L3MBTL4: variants seen among roughly 807,000 people sequenced by gnomAD.
L3MBTL4 encodes L3MBTL histone methyl-lysine binding protein 4, also known as lethal(3)malignant brain tumor-like protein 4.
In L3MBTL4, 70 loss-of-function variants were observed where a neutral mutation model predicts 84.5. The ratio of observed to expected loss-of-function variants is 0.83; its 90% confidence interval spans 0.68 to 1.01. L3MBTL4 has a LOEUF of 1.01. Among genes scored for constraint, L3MBTL4 ranks in the 50% least tolerant of loss-of-function variants. The pLI, the probability that L3MBTL4 is intolerant of heterozygous loss-of-function variation, is 0.00. For synonymous variants in L3MBTL4, 274 were observed against 259.8 expected (o/e 1.05, Z -0.52); for missense variants, 715 against 754.8 (o/e 0.95, Z 0.62).
intron 10 of L3MBTL4, among the ~76,000 whole-genome samples, chr18:6,221,967 T>C (rs1000352211): frequency 6.6e-6 from 1 of 152,218 alleles, no homozygotes; most frequent in African/African-American, 2.4e-5. Context: ...TCACTAATTG[T>C]CTTGTATGAA....
chr18:6,279,736 C>G (rs571284556), intron 4 of L3MBTL4, among the ~76,000 whole-genome samples: 1 of 152,316 alleles, frequency 6.6e-6, no homozygotes, highest in East Asian at 1.9e-4. Flanking sequence ...GATAATCCCT[C>G]ATGAATACCA....
At chr18:6,104,701 T>G (rs1391465491) in intron 14 of L3MBTL4, among the ~76,000 whole-genome samples, 1 of 152,202 alleles carries the variant, frequency 6.6e-6, no homozygotes, top group Admixed American at 6.5e-5. Flanking sequence ...CATTAAAATA[T>G]TGTTACGAAG....
intron 12 of L3MBTL4, among the ~76,000 whole-genome samples, chr18:6,173,018 T>C (rs576602810): frequency 6.6e-6 from 1 of 152,284 alleles, no homozygotes; most frequent in East Asian, 1.9e-4. Flanking sequence ...TAGGCACTTG[T>C]TAAAAATGCA....
At chr18:6,185,704 T>G (rs2044693535) in intron 12 of L3MBTL4, among the ~76,000 whole-genome samples, 1 of 152,172 alleles carries the variant, frequency 6.6e-6, no homozygotes, top group Admixed American at 6.5e-5. Flanking sequence ...GGAATTTTAT[T>G]TAAAAAGTGG....
chr18:6,399,346 A>C (rs2055415939), intron 1 of L3MBTL4, among the ~76,000 whole-genome samples: 1 of 152,150 alleles, frequency 6.6e-6, no homozygotes, highest in South Asian at 2.1e-4. Context: ...CTGAGGCAGG[A>C]GAATCGCCTG....
intron 10 of L3MBTL4, among the ~76,000 whole-genome samples, chr18:6,226,800 A>G (rs2046802396): frequency 6.6e-6 from 1 of 152,190 alleles, no homozygotes; most frequent in African/African-American, 2.4e-5. Context: ...ACCCAATAAA[A>G]TCTTTAAAAA....
chr18:5,968,478 G>A (rs2052460904), intron 17 of L3MBTL4, among the ~76,000 whole-genome samples: 1 of 152,116 alleles, frequency 6.6e-6, no homozygotes, highest in African/African-American at 2.4e-5. Context: ...TGGGAGAACC[G>A]CTTGAGGCCA....
chr18:5,971,580 T>C (rs1180900163), intron 16 of L3MBTL4, among the ~76,000 whole-genome samples: 1 of 152,206 alleles, frequency 6.6e-6, no homozygotes, highest in Non-Finnish European at 1.5e-5. Context: ...TGATGGTGAT[T>C]AGATTTCTGT....
rs138275271 is a variant in L3MBTL4, at chr18:5,986,373, C to T, written c.1445-16811G>A. On this transcript the variant is annotated intron_variant, in intron 16 of 18. Coordinates refer to ENST00000317931, the MANE Select transcript of L3MBTL4 (RefSeq NM_001330559.2). Reference sequence around the variant, plus strand: ...TATGAGGTGGGAATCAAACCCGGAACCTGACTTCCATTTCACTGCTCTTTC... The same window carrying T: ...TATGAGGTGGGAATCAAACCCGGAATCTGACTTCCATTTCACTGCTCTTTC... Among the ~76,000 whole-genome samples, 3 of 152,292 alleles carry T rather than the reference C, an allele frequency of 2.0e-5. No homozygotes were observed. The East Asian group carries it at 5.8e-4, about 29-fold the overall frequency.
intron 12 of L3MBTL4, among the ~76,000 whole-genome samples, chr18:6,186,233 G>C (rs2044755290): frequency 6.6e-6 from 1 of 151,436 alleles, no homozygotes; most frequent in Non-Finnish European, 1.5e-5. Context: ...GTAGAGACGA[G>C]GTTTCACCAT....
chr18:6,259,287 A>G (rs1271497822), intron 5 of L3MBTL4: 1 of 152,316 alleles, frequency 6.6e-6, no homozygotes, highest in East Asian at 1.9e-4. Flanking sequence ...ATGGGCACCT[A>G]GGTCAATTCA....
intron 16 of L3MBTL4, among the ~76,000 whole-genome samples, chr18:6,073,669 A>T (rs771290893): frequency 1.1e-4 from 16 of 152,210 alleles, no homozygotes; most frequent in Non-Finnish European, 2.1e-4. Flanking sequence ...GGGGGTATAA[A>T]ATTGACGATG....
intron 1 of L3MBTL4, among the ~76,000 whole-genome samples, chr18:6,372,988 T>A (rs994972409): frequency 1.3e-5 from 2 of 152,220 alleles, no homozygotes; most frequent in African/African-American, 4.8e-5. Context: ...CACATTTAAA[T>A]ATACACTATT....
chr18:6,011,429 T>C (rs1174472343), intron 16 of L3MBTL4, among the ~76,000 whole-genome samples: 1 of 152,192 alleles, frequency 6.6e-6, no homozygotes, highest in Non-Finnish European at 1.5e-5. Flanking sequence ...TAGACAGCTC[T>C]ATGGAATTCA....
chr18:6,267,227 A>C (rs901952433), intron 4 of L3MBTL4, among the ~76,000 whole-genome samples: 7 of 152,252 alleles, frequency 4.6e-5, no homozygotes, highest in African/African-American at 1.7e-4. Context: ...ACTATCTGTC[A>C]CAACACTAAC....
At chr18:6,134,551 A>G (rs1392190927) in intron 14 of L3MBTL4, among the ~76,000 whole-genome samples, 1 of 152,216 alleles carries the variant, frequency 6.6e-6, no homozygotes, top group Non-Finnish European at 1.5e-5. Flanking sequence ...CTGGGTAAAT[A>G]CAGCTGTTCC....
Position 6,242,101 on chromosome 18 carries a change from C to T in L3MBTL4, c.461-652G>A, listed in dbSNP as rs143964454. Among the ~76,000 whole-genome samples the T allele has an allele frequency of 2.8e-3, 429 of 152,308 alleles. 4 individuals carry two copies. The highest frequency in any genetic ancestry group is 0.014 in the Middle Eastern group (4 of 292). Reference sequence around the variant, plus strand: ...CAGGCTCAAAATATGGTTCTGAGCACCAGCCTTGGAACAGAAGTCAAACTC... The same window carrying T: ...CAGGCTCAAAATATGGTTCTGAGCATCAGCCTTGGAACAGAAGTCAAACTC... On this transcript the variant is annotated intron_variant, in intron 7 of 18. Coordinates refer to ENST00000317931, the MANE Select transcript of L3MBTL4 (RefSeq NM_001330559.2).
intron 12 of L3MBTL4, among the ~76,000 whole-genome samples, chr18:6,194,866 G>A (rs1427851541): frequency 6.6e-6 from 1 of 152,240 alleles, no homozygotes; most frequent in Non-Finnish European, 1.5e-5. Context: ...AAAGCAGAAG[G>A]AATGCCATTG....
intron 3 of L3MBTL4, among the ~76,000 whole-genome samples, chr18:6,303,192 C>T (rs1182247760): frequency 6.6e-6 from 1 of 152,070 alleles, no homozygotes; most frequent in Non-Finnish European, 1.5e-5. Context: ...GTGGCACAAT[C>T]TCGGCTCACT....
Sources: allele counts gnomAD v4.1 joint callset (sites outside exome capture counted in the v4.1 genomes callset), GRCh38; gene constraint gnomAD v4.1.1; transcripts MANE v1.5; gene names NCBI Gene and HGNC (gene_info 2026-07-23, HGNC 2026-07-21).